The following NAV1 variants were observed in gnomAD, a reference collection of about 807,000 sequenced individuals.
The protein encoded by NAV1 is pore membrane and/or filament interacting like protein 3.
In NAV1, 18 loss-of-function variants were observed where a neutral mutation model predicts 175.2. That is an observed-to-expected ratio of 0.10 (90% CI 0.07 to 0.15). The LOEUF is 0.15. Among genes scored for constraint, NAV1 ranks in the 10% least tolerant of loss-of-function variants. The probability of loss-of-function intolerance (pLI) is 1.00; values close to 1 mark genes in which losing one functional copy is unlikely to be tolerated. For missense variants in NAV1, 1,731 were observed against 2,436.6 expected (o/e 0.71, Z 6.10); for synonymous variants, 897 against 978.7 (o/e 0.92, Z 1.56).
intron 1 of NAV1, among the ~76,000 whole-genome samples, chr1:201,668,743 C>T (rs573034272): frequency 1.3e-5 from 2 of 152,136 alleles, no homozygotes; most frequent in South Asian, 2.1e-4. Context: ...GGGCTTTTAA[C>T]GGTCCTGCCT....
chr1:201,542,720 C>CA (rs1439887891), intron 1 of NAV1, among the ~76,000 whole-genome samples: 1 of 152,168 alleles, frequency 6.6e-6, no homozygotes, highest in Non-Finnish European at 1.5e-5. Context: ...ACCACCCCAT[C>CA]AAATCTATTT....
intron 1 of NAV1, among the ~76,000 whole-genome samples, chr1:201,706,201 C>T (rs1218965109): frequency 3.3e-5 from 5 of 152,078 alleles, no homozygotes; most frequent in Non-Finnish European, 7.4e-5. Flanking sequence ...AGGGATCTAA[C>T]AGGGTCAGGA....
chr1:201,820,056 G>A (rs907481514), exon 30 of NAV1: 2 of 905,240 alleles, frequency 2.2e-6, no homozygotes, highest in Non-Finnish European at 3.5e-6. Flanking sequence ...ACAGGAGGGA[G>A]GAGGAGATGA....
upstream of NAV1, among the ~76,000 whole-genome samples, chr1:201,647,613 A>G (rs72739966): frequency 4.2e-3 from 642 of 152,068 alleles, 2 homozygotes; most frequent in Non-Finnish European, 7.2e-3. Context: ...AGTCAACGCT[A>G]GGCCCCTTCT....
Position 201,812,859 on chromosome 1 carries a change from CT to C in NAV1, c.5221+199del, listed in dbSNP as rs764044459. 6.6e-6 allele frequency among the ~76,000 whole-genome samples: 1 copy of C among 152,218 alleles called. No individual in the cohort carries two copies. The highest frequency in any genetic ancestry group is 2.1e-4 in the South Asian group (1 of 4,828). ...ACTTCAATCACCAGAAAGCTAACCCCTCTCCTTGTTTTTTTCCCACAATTAA... is the reference window on the plus strand; with the variant it reads ...ACTTCAATCACCAGAAAGCTAACCCCCTCCTTGTTTTTTTCCCACAATTAA... On this transcript the variant is annotated intron_variant, in intron 27 of 29. Coordinates refer to ENST00000367296, the Ensembl canonical transcript of NAV1. This position sits in a 1 kb window ranked among gnomAD's most constrained non-coding sequence, Gnocchi z 4.6.
intron 1 of NAV1, among the ~76,000 whole-genome samples, chr1:201,548,000 G>A (rs539848745): frequency 6.6e-6 from 1 of 152,150 alleles, no homozygotes; most frequent in African/African-American, 2.4e-5. Flanking sequence ...CACCATCTTG[G>A]CCAGGCTGGT....
At chr1:201,765,035 A>G (rs1675111638) in intron 3 of NAV1, among the ~76,000 whole-genome samples, 1 of 152,234 alleles carries the variant, frequency 6.6e-6, no homozygotes, top group African/African-American at 2.4e-5. Flanking sequence ...GAAGGTGGCT[A>G]GAACTTCAGC....
intron 1 of NAV1, among the ~76,000 whole-genome samples, chr1:201,667,613 G>A (rs528986125): frequency 2.0e-5 from 3 of 152,286 alleles, no homozygotes; most frequent in Admixed American, 1.3e-4. Context: ...AGGAGGATGC[G>A]CTGCCTATCA....
intron 1 of NAV1, among the ~76,000 whole-genome samples, chr1:201,650,153 T>G (rs1233816024): frequency 1.3e-5 from 2 of 152,190 alleles, no homozygotes; most frequent in African/African-American, 4.8e-5. Context: ...CTTTGCCCTG[T>G]GGCTAATGGA....
chr1:201,645,981 C>A (rs537260981), upstream of NAV1, among the ~76,000 whole-genome samples: 1 of 152,090 alleles, frequency 6.6e-6, no homozygotes, highest in South Asian at 2.1e-4. Context: ...TTACAAGTAC[C>A]CTGAAGGATG....
Position 201,793,777 on chromosome 1 carries a change from C to A in NAV1, c.3322-15C>A, listed in dbSNP as rs1338185591. On this transcript the variant is annotated splice_polypyrimidine_tract_variant and intron_variant, in intron 13 of 29. Transcript: ENST00000367296. ...CCTTATGCAACTTAGCAATCTCTTT[C>A]TGTGTTTGTTTCAGGCTAATCTGGT... 6.2e-7 allele frequency: 1 copy of A among 1,612,044 alleles called. No individual in the cohort carries two copies. The highest frequency in any genetic ancestry group is 1.1e-5 in the South Asian group (1 of 90,430).
intron 1 of NAV1, among the ~76,000 whole-genome samples, chr1:201,685,822 C>G (rs1440782747): frequency 6.6e-6 from 1 of 152,184 alleles, no homozygotes; most frequent in African/African-American, 2.4e-5. Context: ...TTCCTGTGCT[C>G]TTCGTATCCA....
chr1:201,733,695 A>G (rs146566642), intron 3 of NAV1, among the ~76,000 whole-genome samples: 40 of 152,232 alleles, frequency 2.6e-4, no homozygotes, highest in African/African-American at 9.4e-4. Context: ...AACTGTGCAG[A>G]TAACTGGGGA....
intron 1 of NAV1, among the ~76,000 whole-genome samples, chr1:201,696,205 G>A (rs544223720): frequency 1.1e-4 from 16 of 152,172 alleles, no homozygotes; most frequent in Non-Finnish European, 2.4e-4. Flanking sequence ...GAGGATGGGA[G>A]CAGGAGAGGG....
At chr1:201,755,021 T>C (rs1674364876) in intron 3 of NAV1, among the ~76,000 whole-genome samples, 1 of 152,156 alleles carries the variant, frequency 6.6e-6, no homozygotes, top group African/African-American at 2.4e-5. Flanking sequence ...GATACAACTT[T>C]AGAGAAATTA....
intron 3 of NAV1, among the ~76,000 whole-genome samples, chr1:201,744,318 A>T (rs900866095): frequency 1.5e-5 from 2 of 130,986 alleles, no homozygotes; most frequent in African/African-American, 6.0e-5. Flanking sequence ...GTATGTATGT[A>T]TTTATTTATT....
Position 201,635,555 on chromosome 1 carries a change from C to T in NAV1, c.4+6048C>T, listed in dbSNP as rs369483375. On this transcript the variant is annotated intron_variant, in intron 2 of 29. Transcript: ENST00000367302. ...CCAGCTCTGGAATATGTCTCCCACC[C>T]TAAGGAGCAGGAGCAGAGCTTTGGC... Among the ~76,000 whole-genome samples the T allele has an allele frequency of 3.4e-4, 52 of 152,294 alleles. 2 individuals carry two copies. The East Asian group carries it at 4.2e-3, about 12-fold the overall frequency.
At chr1:201,624,567 C>G (rs188923338) in intron 1 of NAV1, among the ~76,000 whole-genome samples, 1 of 151,702 alleles carries the variant, frequency 6.6e-6, no homozygotes, top group African/African-American at 2.4e-5. Flanking sequence ...AGCATGGTCT[C>G]GATCTCCTGA....
At chr1:201,708,003 G>A (rs114222819) in intron 1 of NAV1, among the ~76,000 whole-genome samples, 2 of 152,304 alleles carry the variant, frequency 1.3e-5, no homozygotes, top group South Asian at 2.1e-4. Flanking sequence ...AAAATGCCTC[G>A]TGGTGAACAT....
Sources: allele counts gnomAD v4.1 joint callset (sites outside exome capture counted in the v4.1 genomes callset), GRCh38; gene constraint gnomAD v4.1.1; non-coding constraint Gnocchi (gnomAD v3.1); transcripts MANE v1.5; gene names NCBI Gene and HGNC (gene_info 2026-07-23, HGNC 2026-07-21).